Variants in CPLANE2 observed in about 807,000 individuals in gnomAD.
The protein encoded by CPLANE2 is ciliogenesis and planar polarity effector complex subunit 2.
Under a neutral mutation model 20.9 loss-of-function variants are expected in CPLANE2, and 24 were observed. The ratio of observed to expected loss-of-function variants is 1.15; its 90% CI spans 0.83 to 1.61. The LOEUF (loss-of-function observed/expected upper bound fraction) is 1.61. Ranked by LOEUF, CPLANE2 falls within the 40% of genes most tolerant of loss-of-function variation. CPLANE2 has a pLI of 0.00. For synonymous variants in CPLANE2, 132 were observed against 144.3 expected (o/e 0.92, Z 0.61); for missense variants, 330 against 355.1 (o/e 0.93, Z 0.57).
chr1:16,233,863 T>C, intron 1 of CPLANE2, 99 bp from the exon 2 acceptor site: 1 of 1,305,592 alleles, frequency 7.7e-7, no homozygotes. Context: ...AATGCACCAG[T>C]GTTAGGAAGT....
chr1:16,233,914 TTAA>T, intron 1 of CPLANE2, 150 bp from the exon 2 acceptor site: 1 of 855,698 alleles, frequency 1.2e-6, no homozygotes, highest in East Asian at 2.7e-5. Flanking sequence ...CATAAATGGA[TTAA>T]TGTTGTTATT....
At chr1:16,236,012 T>C (rs2081463144) in intron 1 of CPLANE2, among the ~76,000 whole-genome samples, 1 of 152,152 alleles carries the variant, frequency 6.6e-6, no homozygotes. Flanking sequence ...TATAATTTCT[T>C]TTAAAAAAAC....
At chr1:16,236,014 T>A (rs989964344) in intron 1 of CPLANE2, among the ~76,000 whole-genome samples, 7 of 152,130 alleles carry the variant, frequency 4.6e-5, no homozygotes, top group African/African-American at 1.2e-4. Context: ...TAATTTCTTT[T>A]AAAAAAACAA....
chr1:16,233,551 T>A lies in CPLANE2; in HGVS notation c.265+61A>T, dbSNP rs756959287. ...AGTAAGAGGTGGTCCAGGGCCAGGTTCTTGCCTCCACCCCCAAGGAGGGCC... is the reference window on the plus strand; with the variant it reads ...AGTAAGAGGTGGTCCAGGGCCAGGTACTTGCCTCCACCCCCAAGGAGGGCC... On this transcript the variant is annotated intron_variant, in intron 2 of 4. Coordinates refer to ENST00000375599, the MANE Select transcript of CPLANE2 (RefSeq NM_030907.4). 9.3e-4 allele frequency: 1,488 copies of A among 1,593,394 alleles called. 1 individual carries two copies. The highest frequency in any genetic ancestry group is 1.5e-3 in the Admixed American group (88 of 58,758).
chr1:16,232,541 G>C lies in CPLANE2; in HGVS notation c.496C>G (p.Pro166Ala). The change falls in exon 4 of 5, where the codon CCT becomes GCT. Residue 166 changes from proline to alanine, a missense_variant. Physicochemically the swap from Pro to Ala is conservative, Grantham distance 27. Transcript: ENST00000375599. Reference protein sequence around the residue: ...GQLARIAGEAPGVVRMVIGSK... With the variant: ...GQLARIAGEAAGVVRMVIGSK... ...CCGATGACCATCCTGACGACACCAG[G>C]GGCCTCACCTGCTATGCGGGCCAGC... 1 of 1,614,140 alleles carries C rather than the reference G, an allele frequency of 6.2e-7. No individual in the cohort carries two copies. Among genetic ancestry groups the C allele is most frequent in the Non-Finnish European group, 8.5e-7 (1 of 1,180,026 alleles).
Position 16,232,225 on chromosome 1 carries a change from G to A in CPLANE2, c.600C>T (p.Pro200=), listed in dbSNP as rs1195082746. 6.2e-7 allele frequency: 1 copy of A among 1,612,126 alleles called. No homozygotes were observed. The highest frequency in any genetic ancestry group is 1.3e-5 in the African/African-American group (1 of 74,936). Residue 200 remains proline (P), a synonymous_variant, in exon 5 of 5, where the codon CCC becomes CCT. Coordinates refer to ENST00000375599, the MANE Select transcript of CPLANE2 (RefSeq NM_030907.4). ...CCGGCACACTCTTCACCCGTAGCAG[G>A]GGCAGCTCCCAGGCCTGCCGGAAGG... The part of the protein sequence containing the change: ...LTAFRQAWEL[P]LLRVKSVPGR...
At chr1:16,235,319 G>T (rs1288700746) in intron 1 of CPLANE2, among the ~76,000 whole-genome samples, 1 of 152,178 alleles carries the variant, frequency 6.6e-6, no homozygotes, top group South Asian at 2.1e-4. Context: ...ATGGTCAGTG[G>T]ATTCTATGAT....
chr1:16,236,356 C>G (rs1019443319), intron 1 of CPLANE2, among the ~76,000 whole-genome samples: 10 of 152,268 alleles, frequency 6.6e-5, no homozygotes, highest in Admixed American at 5.2e-4. Context: ...CAGGGGAGTG[C>G]TCAATCAACT....
In CPLANE2 at chr1:16,237,181, G is replaced by C. The variant is rs1189025667; in HGVS notation, c.-439C>G. 6.4e-6 allele frequency: 1 copy of C among 156,794 alleles called. No homozygotes were observed. The highest frequency in any genetic ancestry group is 1.4e-5 in the Non-Finnish European group (1 of 70,642). 9.7% of individuals were successfully genotyped at this position (156,794 alleles called of 1,614,324 possible). A position where few individuals can be genotyped will look rare whatever the true frequency, so the allele number is the denominator to read the frequency against. Reference sequence around the variant, plus strand: ...CGTCCGCCTTCTGCGCGTGCTGGCAGCTCCGGCGCAGGTGCGCGCGGCGCA... The same window carrying C: ...CGTCCGCCTTCTGCGCGTGCTGGCACCTCCGGCGCAGGTGCGCGCGGCGCA... On this transcript the variant is annotated 5_prime_UTR_variant, in exon 1 of 5. Coordinates refer to ENST00000375599, the MANE Select transcript of CPLANE2 (RefSeq NM_030907.4).
Position 16,232,181 on chromosome 1 carries a change from C to A in CPLANE2, c.644G>T (p.Gly215Val). The A allele has an allele frequency of 1.2e-6, 2 of 1,613,094 alleles. No individual in the cohort carries two copies. The highest frequency in any genetic ancestry group is 1.7e-6 in the Non-Finnish European group (2 of 1,179,906). The change falls in exon 5 of 5, where the codon GGG (glycine) becomes GTG (valine). Residue 215 changes from glycine to valine, a missense_variant. Physicochemically the swap from Gly to Val is moderately radical, Grantham distance 109 (BLOSUM62 -3). Coordinates refer to ENST00000375599, the MANE Select transcript of CPLANE2 (RefSeq NM_030907.4). ...KSVPGRRLADGRTLDGRAGLA... is the reference protein window; with the variant it reads ...KSVPGRRLADVRTLDGRAGLA... ...CCCAGCCCGCCCGTCCAGTGTGCGC[C>A]CATCAGCCAGCCGCCGCCCCGGCAC...
In CPLANE2 at chr1:16,232,984, T is replaced by C; in HGVS notation, c.299A>G (p.Lys100Arg). Residue 100 changes from lysine to arginine, a missense_variant, in exon 3 of 5, where the codon AAG (lysine) becomes AGG (arginine). Lys to Arg is a conservative substitution (Grantham distance 26). Transcript: ENST00000375599. Reference protein sequence around the residue: ...IQTTVVFWPAKLQASSRVVMF... With the variant: ...IQTTVVFWPARLQASSRVVMF... ...GACGACACGGCTGCTGGCCTGCAGC[T>C]TGGCTGGCCAAAATACCACGGTGGT... The C allele has an allele frequency of 6.2e-7, 1 of 1,614,148 alleles. No homozygotes were observed. Among genetic ancestry groups the C allele is most frequent in the Middle Eastern group, 1.6e-4 (1 of 6,062 alleles).
chr1:16,233,582 G>A, intron 2 of CPLANE2, 30 bp downstream of exon 2: 1 of 1,611,736 alleles, frequency 6.2e-7, no homozygotes, highest in South Asian at 1.1e-5. Context: ...GGGCCTCCCA[G>A]GATGGGCAAA....
intron 1 of CPLANE2, among the ~76,000 whole-genome samples, chr1:16,235,136 G>A (rs556484900): frequency 2.0e-5 from 3 of 152,284 alleles, no homozygotes; most frequent in Admixed American, 6.5e-5. Context: ...TGCTCTCAGC[G>A]TTTGTTGTGG....
Position 16,235,790 on chromosome 1 carries a change from C to CCTGCCTCA in CPLANE2, c.112+833_112+840dup, listed in dbSNP as rs551566902. The stretch of plus-strand genomic sequence containing the variant: ...CTGCCTTCTGTGTTCAAGCGATTCT[C>CCTGCCTCA]CTGCCTCAGCCTCCCAAGTAGCTGG... On this transcript the variant is annotated intron_variant, in intron 1 of 4. Transcript: ENST00000375599. Among the ~76,000 whole-genome samples the CCTGCCTCA allele has an allele frequency of 4.6e-3, 691 of 149,696 alleles. 8 individuals are homozygous for CCTGCCTCA. Among genetic ancestry groups the CCTGCCTCA allele is most frequent in the African/African-American group, 0.016 (646 of 40,422 alleles).
chr1:16,237,001 T>C lies in CPLANE2; in HGVS notation c.-259A>G. On this transcript the variant is annotated 5_prime_UTR_variant, in exon 1 of 5. Transcript: ENST00000375599. ...ACCTCCGGGGGTCAGACAGCCCCGC[T>C]TCTCCTCTACCTTCTAGATCCCGAC... 1 of 420,040 alleles carries C rather than the reference T, an allele frequency of 2.4e-6. No homozygotes were observed. The highest frequency in any genetic ancestry group is 4.5e-6 in the Non-Finnish European group (1 of 224,570). 26.0% of individuals were successfully genotyped at this position (420,040 alleles called of 1,614,324 possible).
At position 16,237,099 on chromosome 1, in the gene CPLANE2, A is replaced by C; in HGVS notation, c.-357T>G. 5.7e-6 allele frequency: 1 copy of C among 173,930 alleles called. No homozygotes were observed. The highest frequency in any genetic ancestry group is 1.2e-5 in the Non-Finnish European group (1 of 81,756). 10.8% of individuals were successfully genotyped at this position (173,930 alleles called of 1,614,324 possible). On this transcript the variant is annotated 5_prime_UTR_variant, in exon 1 of 5. Coordinates refer to ENST00000375599, the MANE Select transcript of CPLANE2 (RefSeq NM_030907.4). ...GACCTGGGTGCCGAAGGCCCCTTTA[A>C]ACGCCCACCCGCACTCCCGCCGCCC...
chr1:16,232,856 C>T (rs1272429301), intron 3 of CPLANE2, 37 bp downstream of exon 3: 1 of 1,612,566 alleles, frequency 6.2e-7, no homozygotes, highest in South Asian at 1.1e-5. Context: ...CCAATCGGCC[C>T]CTGGCAGAAC....
At position 16,236,783 on chromosome 1, in the gene CPLANE2, G is replaced by T; in HGVS notation, c.-41C>A. The T allele has an allele frequency of 7.1e-7, 1 of 1,405,570 alleles. No individual in the cohort carries two copies. The highest frequency in any genetic ancestry group is 9.8e-7 in the Non-Finnish European group (1 of 1,015,586). 87.1% of individuals were successfully genotyped at this position (1,405,570 alleles called of 1,614,324 possible). A position where few individuals can be genotyped will look rare whatever the true frequency, so the allele number is the denominator to read the frequency against. ...CGGGGTAGGGAGGTGACAGAATGCT[G>T]AGAGCAGGGAGTGGGAAGGGGAGTG... is the stretch of plus-strand genomic sequence containing the variant. On this transcript the variant is annotated 5_prime_UTR_variant, in exon 1 of 5. Coordinates refer to ENST00000375599, the MANE Select transcript of CPLANE2 (RefSeq NM_030907.4).
In CPLANE2 at chr1:16,233,637, C is replaced by A. The variant is rs774149795; in HGVS notation, c.240G>T (p.Val80=). The A allele has an allele frequency of 1.2e-6, 2 of 1,614,102 alleles. No homozygotes were observed. The highest frequency in any genetic ancestry group is 1.7e-6 in the Non-Finnish European group (2 of 1,180,038). ...CGGTGGTCTCGTGGTGCACCACAGGCACCTCCAGGCCAGCCAGCTTGGCCA... is the reference window on the plus strand; with the variant it reads ...CGGTGGTCTCGTGGTGCACCACAGGAACCTCCAGGCCAGCCAGCTTGGCCA... ...ALVAKLAGLE[V]PVVHHETTGI... The change falls in exon 2 of 5, where the codon GTG becomes GTT. Residue 80 remains valine, a synonymous_variant. Transcript: ENST00000375599.
Sources: allele counts gnomAD v4.1 joint callset (sites outside exome capture counted in the v4.1 genomes callset), GRCh38; gene constraint gnomAD v4.1.1; transcripts MANE v1.5; gene names NCBI Gene and HGNC (gene_info 2026-07-23, HGNC 2026-07-21).